Variants in HS6ST3 observed in about 807,000 individuals in gnomAD.
The protein encoded by HS6ST3 is heparan-sulfate 6-O-sulfotransferase 3.
HS6ST3 carries 12 observed loss-of-function variants against 36.7 expected under a neutral mutation model. That is an observed-to-expected ratio of 0.33 (90% confidence interval 0.21 to 0.53). HS6ST3 has a LOEUF of 0.53. Ranked by LOEUF, HS6ST3 falls within the 20% of genes least tolerant of loss-of-function variation. HS6ST3 has a pLI of 0.95. For missense variants in HS6ST3, 584 were observed against 640.9 expected, an observed-to-expected ratio of 0.91 and a Z score of 0.96; for synonymous variants, 240 against 257.5, an observed-to-expected ratio of 0.93 and a Z score of 0.65.
chr13:96,797,213 A>T (rs1279913230), intron 1 of HS6ST3, among the ~76,000 whole-genome samples: 1 of 152,152 alleles, frequency 6.6e-6, no homozygotes, highest in Admixed American at 6.5e-5. Flanking sequence ...TGGAAGTGAA[A>T]TGCTGCAGGG....
At chr13:96,524,000 C>T (rs1430436121) in intron 1 of HS6ST3, among the ~76,000 whole-genome samples, 1 of 152,186 alleles carries the variant, frequency 6.6e-6, no homozygotes, top group African/African-American at 2.4e-5. Context: ...GTGGTTTTAT[C>T]TACCTTTGGT....
intron 1 of HS6ST3, among the ~76,000 whole-genome samples, chr13:96,316,217 C>T (rs1012669342): frequency 1.3e-5 from 2 of 151,556 alleles, no homozygotes; most frequent in East Asian, 1.9e-4. Context: ...TATATGTATA[C>T]ACATACACAT....
At chr13:96,216,808 T>A (rs1250453911) in intron 1 of HS6ST3, among the ~76,000 whole-genome samples, 1 of 152,128 alleles carries the variant, frequency 6.6e-6, no homozygotes, top group Non-Finnish European at 1.5e-5. Flanking sequence ...CATTTCCTAT[T>A]TTCATTCAGC....
At chr13:96,167,235 A>G (rs573346288) in intron 1 of HS6ST3, among the ~76,000 whole-genome samples, 1 of 152,076 alleles carries the variant, frequency 6.6e-6, no homozygotes, top group Non-Finnish European at 1.5e-5. Flanking sequence ...TCTTACAGGG[A>G]TGTTGGGATA....
intron 1 of HS6ST3, among the ~76,000 whole-genome samples, chr13:96,598,582 C>G (rs2056410493): frequency 1.3e-5 from 2 of 151,892 alleles, no homozygotes; most frequent in South Asian, 2.1e-4. Context: ...TTGGAAGAGT[C>G]TTTAGGTTTT....
chr13:96,464,494 G>A (rs1261832332), intron 1 of HS6ST3, among the ~76,000 whole-genome samples: 1 of 151,998 alleles, frequency 6.6e-6, no homozygotes, highest in Non-Finnish European at 1.5e-5. Context: ...CACTTTCAAT[G>A]TATATCCTAG....
chr13:96,094,102 A>T (rs1003226602), intron 1 of HS6ST3, among the ~76,000 whole-genome samples: 2 of 152,188 alleles, frequency 1.3e-5, no homozygotes, highest in African/African-American at 4.8e-5. Flanking sequence ...CTGGAGTCAG[A>T]TAAATATGGC....
intron 1 of HS6ST3, among the ~76,000 whole-genome samples, chr13:96,185,419 T>C (rs1466368869): frequency 6.6e-6 from 1 of 152,228 alleles, no homozygotes; most frequent in Non-Finnish European, 1.5e-5. Flanking sequence ...AGAAACTTCA[T>C]TTCCAACGTC....
At chr13:96,765,477 C>G (rs1877085212) in intron 1 of HS6ST3, among the ~76,000 whole-genome samples, 1 of 152,188 alleles carries the variant, frequency 6.6e-6, no homozygotes, top group Non-Finnish European at 1.5e-5. Context: ...TAAGATTTCT[C>G]TGGAACTACC....
chr13:96,776,289 G>A (rs1417387593), intron 1 of HS6ST3, among the ~76,000 whole-genome samples: 1 of 152,018 alleles, frequency 6.6e-6, no homozygotes, highest in Non-Finnish European at 1.5e-5. Context: ...ATCTAGAGAA[G>A]CAAAGGCAAA....
chr13:96,154,506 G>T (rs986031241), intron 1 of HS6ST3, among the ~76,000 whole-genome samples: 3 of 152,032 alleles, frequency 2.0e-5, no homozygotes, highest in Non-Finnish European at 4.4e-5. Context: ...ATTCAGCTTA[G>T]TGTAACATCA....
chr13:96,641,898 C>T (rs2056571472), intron 1 of HS6ST3, among the ~76,000 whole-genome samples: 1 of 151,728 alleles, frequency 6.6e-6, no homozygotes, highest in Non-Finnish European at 1.5e-5. Flanking sequence ...ATTGCCTTTT[C>T]TGATAGGAGA....
At chr13:96,797,238 C>T (rs988580634) in intron 1 of HS6ST3, among the ~76,000 whole-genome samples, 2 of 152,026 alleles carry the variant, frequency 1.3e-5, no homozygotes, top group Non-Finnish European at 2.9e-5. Flanking sequence ...GCAGAGAGCA[C>T]AGATGTTTGC....
intron 1 of HS6ST3, among the ~76,000 whole-genome samples, chr13:96,135,193 A>G (rs1213669999): frequency 6.6e-6 from 1 of 152,174 alleles, no homozygotes; most frequent in Non-Finnish European, 1.5e-5. Flanking sequence ...CACCCTTCTT[A>G]GCAGGTTTAT....
At chr13:96,287,807 G>GA (rs1008751217) in intron 1 of HS6ST3, among the ~76,000 whole-genome samples, 4 of 151,764 alleles carry the variant, frequency 2.6e-5, no homozygotes, top group Non-Finnish European at 4.4e-5. Context: ...CTTTTTTAAT[G>GA]AAAAAAATCA....
At chr13:96,536,749 A>G (rs901314441) in intron 1 of HS6ST3, among the ~76,000 whole-genome samples, 3 of 152,214 alleles carry the variant, frequency 2.0e-5, no homozygotes, top group African/African-American at 7.2e-5. Context: ...TGTGGCCCTC[A>G]GGGATCTCAA....
At chr13:96,598,381 T>G (rs2056409667) in intron 1 of HS6ST3, among the ~76,000 whole-genome samples, 1 of 152,128 alleles carries the variant, frequency 6.6e-6, no homozygotes, top group Non-Finnish European at 1.5e-5. Flanking sequence ...TGTAGTGATC[T>G]TTTACCTTCT....
intron 1 of HS6ST3, among the ~76,000 whole-genome samples, chr13:96,811,228 A>G (rs1878310754): frequency 1.3e-5 from 2 of 152,218 alleles, no homozygotes; most frequent in Non-Finnish European, 1.5e-5. Context: ...TTAGCTAAGA[A>G]GTGATAAGGC....
chr13:96,695,128 GA>G (rs371727670), intron 1 of HS6ST3, among the ~76,000 whole-genome samples: 1 of 151,858 alleles, frequency 6.6e-6, no homozygotes, highest in South Asian at 2.1e-4. Context: ...ATGTTGGTCA[GA>G]AAAAAAAGCC....
Sources: gnomAD v4.1 joint callset for allele counts (sites outside exome capture counted in the v4.1 genomes callset) on GRCh38, gnomAD v4.1.1 for gene constraint, MANE v1.5 for transcripts, NCBI Gene and HGNC (gene_info 2026-07-23, HGNC 2026-07-21) for gene names.